CEP131: variants seen among roughly 807,000 people sequenced by gnomAD.
CEP131 encodes the protein centrosomal protein 131, also known as centrosomal protein of 131 kDa.
CEP131 carries 99 observed loss-of-function variants against 136.8 expected under a neutral mutation model. The ratio of observed to expected loss-of-function variants is 0.72; its 90% confidence interval spans 0.62 to 0.86. The LOEUF (loss-of-function observed/expected upper bound fraction) is 0.86. Ranked by LOEUF, CEP131 falls within the 40% of genes least tolerant of loss-of-function variation. The pLI, the probability that CEP131 is intolerant of heterozygous loss-of-function variation, is 0.00. For missense variants in CEP131, 1,459 were observed against 1,463.0 expected, an observed-to-expected ratio of 1.00 and a Z score of 0.04; for synonymous variants, 646 against 612.7, an observed-to-expected ratio of 1.05 and a Z score of -0.80.
chr17:81,221,974 A>G (rs2062398901), intron 1 of CEP131, among the ~76,000 whole-genome samples: 1 of 152,116 alleles, frequency 6.6e-6, no homozygotes, highest in Non-Finnish European at 1.5e-5. Flanking sequence ...CCTACTCCCT[A>G]GAGGCTGACC....
chr17:81,200,475 G>A, intron 7 of CEP131, 29 bp from the exon 8 acceptor site: 5 of 1,499,008 alleles, frequency 3.3e-6, no homozygotes, highest in Non-Finnish European at 4.5e-6. Flanking sequence ...TCAGGGCCAA[G>A]ACAGGACCAG....
chr17:81,200,652 C>T (rs911268348), intron 7 of CEP131, among the ~76,000 whole-genome samples: 20 of 152,236 alleles, frequency 1.3e-4, no homozygotes, highest in Non-Finnish European at 2.4e-4. Context: ...AACCCAAAAC[C>T]TTCTTCCTGG....
intron 2 of CEP131, among the ~76,000 whole-genome samples, chr17:81,217,890 C>T (rs1209711078): frequency 2.0e-5 from 3 of 152,148 alleles, no homozygotes; most frequent in East Asian, 1.9e-4. Flanking sequence ...GTGCCTGGGT[C>T]GGCCGCGGAT....
chr17:81,194,821 C>T (rs765095621), intron 17 of CEP131, 49 bp downstream of exon 17: 16 of 1,482,278 alleles, frequency 1.1e-5, no homozygotes, highest in East Asian at 2.3e-5. Flanking sequence ...AAGCCCTGGC[C>T]GCAGCACCCA....
At chr17:81,200,184 A>G in intron 8 of CEP131, 145 bp downstream of exon 8, 1 of 691,368 alleles carries the variant, frequency 1.4e-6, no homozygotes, top group Admixed American at 2.9e-5. Flanking sequence ...GCGGGGACCC[A>G]GGGTCAAGAA....
chr17:81,205,312 G>A lies in CEP131; in HGVS notation c.515+1432C>T, dbSNP rs778345311. Among the ~76,000 whole-genome samples the A allele has an allele frequency of 6.0e-5, 9 of 150,408 alleles. No individual in the cohort carries two copies. In the South Asian group the frequency reaches 1.9e-3, roughly 32 times the overall value. ...ACCAGAAGAAATAGCTTGAAAAGAT[G>A]CTGCTCCTCAGGGGCAGGCGCCAGG... On this transcript the variant is annotated intron_variant, in intron 5 of 25. Transcript: ENST00000450824.
At chr17:81,198,823 C>A in intron 11 of CEP131, 54 bp downstream of exon 11, 8 of 1,514,570 alleles carry the variant, frequency 5.3e-6, no homozygotes, top group Non-Finnish European at 7.2e-6. Context: ...CTGGCACAGA[C>A]ATGGCCCTTA....
At chr17:81,195,650 G>C (rs958935546) in intron 16 of CEP131, among the ~76,000 whole-genome samples, 185 bp downstream of exon 16, 1 of 152,204 alleles carries the variant, frequency 6.6e-6, no homozygotes, top group African/African-American at 2.4e-5. Context: ...GGCAGCTAGA[G>C]AGGCAGGAGT....
intron 2 of CEP131, among the ~76,000 whole-genome samples, chr17:81,211,179 C>A (rs2062125269): frequency 1.3e-5 from 2 of 152,244 alleles, no homozygotes; most frequent in Admixed American, 1.3e-4. Context: ...GCCCCGTTCT[C>A]CACGCTGGGG....
intron 20 of CEP131, 25 bp downstream of exon 20, chr17:81,192,451 C>T (rs1392505853): frequency 1.2e-6 from 2 of 1,611,954 alleles, no homozygotes; most frequent in Non-Finnish European, 8.5e-7. Context: ...CTGGCCAGGC[C>T]CAGCACAGCC....
intron 17 of CEP131, 146 bp downstream of exon 17, chr17:81,194,724 A>T: frequency 1.3e-6 from 1 of 756,536 alleles, no homozygotes; most frequent in African/African-American, 1.7e-5. Context: ...GGAGGCCGTG[A>T]CGGGGGTGGT....
At position 81,196,691 on chromosome 17, in the gene CEP131, G is replaced by T; in HGVS notation, c.1899+10C>A. 1 of 1,600,472 alleles carries T rather than the reference G, an allele frequency of 6.2e-7. No homozygotes were observed. Reference sequence around the variant, plus strand: ...TGGGTCCGGGCCTCTGCGCTCCCCGGGCCGCTCACCTGGTCAATGAAGGCC... The same window carrying T: ...TGGGTCCGGGCCTCTGCGCTCCCCGTGCCGCTCACCTGGTCAATGAAGGCC... On this transcript the variant is annotated intron_variant, in intron 15 of 25. Coordinates refer to ENST00000450824, the MANE Select transcript of CEP131 (RefSeq NM_014984.4).
At chr17:81,217,434 C>T (rs1014323582) in intron 2 of CEP131, among the ~76,000 whole-genome samples, 8 of 152,092 alleles carry the variant, frequency 5.3e-5, no homozygotes, top group South Asian at 2.1e-4. Context: ...AAGAGAATCA[C>T]GTGCCGCCTT....
intron 21 of CEP131, 85 bp from the exon 22 acceptor site, chr17:81,191,420 C>T: frequency 3.0e-6 from 4 of 1,348,920 alleles, no homozygotes; most frequent in Non-Finnish European, 4.2e-6. Context: ...CTGGGGGGCT[C>T]CAGGCTCTGA....
intron 7 of CEP131, 118 bp from the exon 8 acceptor site, chr17:81,200,564 C>T: frequency 1.3e-6 from 1 of 750,936 alleles, no homozygotes; most frequent in East Asian, 2.8e-5. Context: ...ACTCAAGTAG[C>T]CCTTTTCACA....
intron 1 of CEP131, among the ~76,000 whole-genome samples, chr17:81,222,053 C>T (rs538877708): frequency 6.6e-6 from 1 of 152,316 alleles, no homozygotes; most frequent in Non-Finnish European, 1.5e-5. Context: ...TAACACCCTC[C>T]TCCTGCAGGG....
intron 2 of CEP131, among the ~76,000 whole-genome samples, chr17:81,211,970 A>G (rs541954986): frequency 4.0e-4 from 60 of 151,724 alleles, no homozygotes; most frequent in African/African-American, 1.4e-3. Context: ...AAAAATCAGC[A>G]AAGAACATGG....
chr17:81,201,079 A>T (rs1299081568), intron 7 of CEP131, among the ~76,000 whole-genome samples: 3 of 152,160 alleles, frequency 2.0e-5, no homozygotes, highest in Non-Finnish European at 4.4e-5. Context: ...AAACTGATTA[A>T]GCAAAAAAAA....
chr17:81,192,496 C>G lies in CEP131; in HGVS notation c.2527G>C (p.Glu843Gln). The part of the protein sequence containing the change: ...LRAEFEKGRE[E>Q]QERRHQMELN... The stretch of plus-strand genomic sequence containing the variant: ...TAGACCTGGTGCCGGCGCTCCTGCT[C>G]CTCCCTGCCCTTCTCAAACTCAGCC... Residue 843 changes from glutamate to glutamine, a missense_variant, in exon 20 of 26, where the codon GAG becomes CAG. Physicochemically the swap from Glu to Gln is conservative, Grantham distance 29. Transcript: ENST00000450824. 2 of 1,611,706 alleles carry G rather than the reference C, an allele frequency of 1.2e-6. No individual in the cohort carries two copies. The highest frequency in any genetic ancestry group is 1.7e-6 in the Non-Finnish European group (2 of 1,179,788).
Sources: gnomAD v4.1 joint callset for allele counts (sites outside exome capture counted in the v4.1 genomes callset) on GRCh38, gnomAD v4.1.1 for gene constraint, MANE v1.5 for transcripts, NCBI Gene and HGNC (gene_info 2026-07-23, HGNC 2026-07-21) for gene names.